Variants in TARP observed in about 807,000 individuals in gnomAD.
the TARP span, among the ~76,000 whole-genome samples, chr7:38,270,445 AT>A: frequency 6.6e-6 from 1 of 151,464 alleles, no homozygotes; most frequent in Non-Finnish European, 1.5e-5. Context: ...CAAAGGGAAC[AT>A]TGGCTAAAGT....
At chr7:38,266,262 A>G in the TARP span, among the ~76,000 whole-genome samples, 1 of 151,508 alleles carries the variant, frequency 6.6e-6, no homozygotes, top group Non-Finnish European at 1.5e-5. Flanking sequence ...GCGATGCACC[A>G]TATTTATCTT....
At chr7:38,265,316 G>T in the TARP span, 42 of 1,496,922 alleles carry the variant, frequency 2.8e-5, no homozygotes, top group East Asian at 9.4e-4. Flanking sequence ...TTTCAAAGAA[G>T]TGTTCTGACA....
At chr7:38,264,329 A>G in the TARP span, among the ~76,000 whole-genome samples, 3 of 151,760 alleles carry the variant, frequency 2.0e-5, no homozygotes, top group African/African-American at 4.8e-5. Context: ...ACAGTGGCTG[A>G]CGCCCATAAT....
the TARP span, chr7:38,265,525 T>A: frequency 6.2e-7 from 1 of 1,612,280 alleles, no homozygotes; most frequent in Non-Finnish European, 8.5e-7. Flanking sequence ...CAGAATCGTG[T>A]TGCTCTTCTT....
chr7:38,268,472 A>T, the TARP span, among the ~76,000 whole-genome samples: 3 of 151,534 alleles, frequency 2.0e-5, no homozygotes, highest in South Asian at 6.2e-4. Context: ...TGTATTTCAG[A>T]TTTATGATGT....
At chr7:38,259,791 A>G in the TARP span, 2 of 317,806 alleles carry the variant, frequency 6.3e-6, no homozygotes, top group African/African-American at 2.2e-5. Context: ...GGACAAGGCT[A>G]GAAGCCGCAG....
the TARP span, among the ~76,000 whole-genome samples, chr7:38,267,318 T>C: frequency 3.3e-5 from 5 of 151,958 alleles, no homozygotes; most frequent in Non-Finnish European, 7.4e-5. Context: ...ATCACTTGAA[T>C]CTGGAATGTT....
the TARP span, chr7:38,265,596 T>C: frequency 1.7e-5 from 27 of 1,611,956 alleles, no homozygotes; most frequent in Non-Finnish European, 2.2e-5. Context: ...AAAGGTATGT[T>C]CCAGCCTTCT....
chr7:38,266,322 G>T, the TARP span, among the ~76,000 whole-genome samples: 1 of 150,546 alleles, frequency 6.6e-6, no homozygotes, highest in Non-Finnish European at 1.5e-5. Flanking sequence ...TTTTGTTGTT[G>T]TTGAGACTGG....
the TARP span, among the ~76,000 whole-genome samples, chr7:38,268,149 A>G: frequency 2.6e-5 from 4 of 151,596 alleles, no homozygotes; most frequent in Non-Finnish European, 5.9e-5. Context: ...TTTATGGCCA[A>G]GTATGGTACA....
At chr7:38,270,006 G>A in the TARP span, among the ~76,000 whole-genome samples, 2 of 151,960 alleles carry the variant, frequency 1.3e-5, no homozygotes, top group Admixed American at 6.6e-5. Context: ...AGAAGCTGAG[G>A]CAGGAGGGTC....
the TARP span, among the ~76,000 whole-genome samples, chr7:38,264,261 C>T: frequency 2.6e-5 from 4 of 151,896 alleles, no homozygotes; most frequent in South Asian, 8.3e-4. Flanking sequence ...GAGAAGTGTC[C>T]TCCTTAACGT....
the TARP span, among the ~76,000 whole-genome samples, chr7:38,272,482 G>C: frequency 7.1e-6 from 1 of 140,496 alleles, no homozygotes; most frequent in Non-Finnish European, 1.5e-5. Context: ...GAAAAAGCCA[G>C]ATCTATTATT....
the TARP span, chr7:38,262,262 G>A: frequency 7.0e-7 from 1 of 1,426,604 alleles, no homozygotes; most frequent in Admixed American, 1.8e-5. Context: ...TCGTGTGTGT[G>A]TGTGTAATTA....
chr7:38,265,480 T>G, the TARP span: 34 of 1,611,904 alleles, frequency 2.1e-5, no homozygotes, highest in Non-Finnish European at 2.8e-5. Flanking sequence ...CATGTATGTG[T>G]CGTTAGTCTT....
chr7:38,270,072 T>C, the TARP span, among the ~76,000 whole-genome samples: 16 of 152,068 alleles, frequency 1.1e-4, no homozygotes, highest in Admixed American at 9.2e-4. Context: ...ACTGCACTCC[T>C]GCCTGGGCAA....
chr7:38,266,277 T>G, the TARP span, among the ~76,000 whole-genome samples: 1 of 151,572 alleles, frequency 6.6e-6, no homozygotes, highest in South Asian at 2.1e-4. Flanking sequence ...TATCTTATTA[T>G]TTATCTTATT....
At chr7:38,266,456 A>C in the TARP span, among the ~76,000 whole-genome samples, 1 of 151,802 alleles carries the variant, frequency 6.6e-6, no homozygotes, top group Non-Finnish European at 1.5e-5. Flanking sequence ...ACAGGTATGC[A>C]TCACCATGCC....
the TARP span, among the ~76,000 whole-genome samples, chr7:38,268,623 C>G: frequency 1.3e-5 from 2 of 150,628 alleles, no homozygotes; most frequent in Admixed American, 6.7e-5. Flanking sequence ...GAAATGATAT[C>G]AATTAAGATA....
Sources: gnomAD v4.1 joint callset for allele counts (sites outside exome capture counted in the v4.1 genomes callset) on GRCh38, gnomAD v4.1.1 for gene constraint, MANE v1.5 for transcripts.